Variants in CCDC62 observed in about 807,000 individuals in gnomAD.
CCDC62 encodes the protein coiled-coil domain-containing protein 62.
CCDC62 carries 72 observed loss-of-function variants against 80.8 expected under a neutral mutation model. That is an observed-to-expected ratio of 0.89 (90% CI 0.74 to 1.08). The LOEUF (loss-of-function observed/expected upper bound fraction) is 1.08. CCDC62 is among the 50% of genes least tolerant of loss of function. The pLI is 0.00. For missense variants in CCDC62, 704 were observed against 809.4 expected, an observed-to-expected ratio of 0.87 and a Z score of 1.58; for synonymous variants, 286 against 296.5, an observed-to-expected ratio of 0.96 and a Z score of 0.36.
intron 11 of CCDC62, among the ~76,000 whole-genome samples, chr12:122,815,065 A>G (rs1195671518): frequency 6.6e-6 from 1 of 151,898 alleles, no homozygotes. Context: ...AAGTGTTGGG[A>G]CTATCAGCAT....
At chr12:122,776,731 T>C (rs1188654901) in intron 1 of CCDC62, 1 of 152,254 alleles carries the variant, frequency 6.6e-6, no homozygotes, top group Non-Finnish European at 1.5e-5. Flanking sequence ...TAATTTTCTT[T>C]TTATAGACTA....
At chr12:122,785,210 C>T (rs868754856) in intron 3 of CCDC62, among the ~76,000 whole-genome samples, 2 of 152,066 alleles carry the variant, frequency 1.3e-5, no homozygotes, top group Admixed American at 6.6e-5. Context: ...TAATTATATC[C>T]GACATAGCAC....
In CCDC62 at chr12:122,781,241, T is replaced by G; in HGVS notation, c.307T>G (p.Cys103Gly). The change falls in exon 3 of 13, where the codon TGC becomes GGC. Residue 103 changes from cysteine (C) to glycine (G), a missense_variant. Coordinates refer to ENST00000253079, the MANE Select transcript of CCDC62 (RefSeq NM_201435.5). ...AGCTCTTGAATCCAATCAAATGGAA[T>G]GCCAAACAGCTCTCCAAAAGACCCA... Reference protein sequence around the residue: ...VKALESNQMECQTALQKTQLQ... With the variant: ...VKALESNQMEGQTALQKTQLQ... The G allele has an allele frequency of 6.2e-7, 1 of 1,613,924 alleles. No homozygotes were observed. Among genetic ancestry groups the G allele is most frequent in the South Asian group, 1.1e-5 (1 of 91,082 alleles).
intron 9 of CCDC62, 129 bp downstream of exon 9, chr12:122,801,981 C>T (rs1593809305): frequency 3.0e-6 from 3 of 996,686 alleles, no homozygotes; most frequent in East Asian, 2.4e-5. Context: ...AGAAATCTTC[C>T]TTAGGACCAA....
intron 10 of CCDC62, among the ~76,000 whole-genome samples, chr12:122,811,629 G>C (rs2031891483): frequency 6.7e-6 from 1 of 150,296 alleles, no homozygotes; most frequent in African/African-American, 2.4e-5. Flanking sequence ...AGACCATCCT[G>C]ACCAACATGG....
At chr12:122,801,996 T>A in intron 9 of CCDC62, 144 bp downstream of exon 9, 1 of 855,254 alleles carries the variant, frequency 1.2e-6, no homozygotes, top group South Asian at 1.7e-5. Flanking sequence ...GACCAATGGT[T>A]CCCTCTTTTC....
chr12:122,786,506 A>G (rs533568924), intron 4 of CCDC62, among the ~76,000 whole-genome samples: 1 of 152,216 alleles, frequency 6.6e-6, no homozygotes, highest in East Asian at 1.9e-4. Flanking sequence ...TGTAGTCACT[A>G]ACATGCAATA....
chr12:122,799,372 C>T (rs983478305), intron 8 of CCDC62, among the ~76,000 whole-genome samples: 1 of 152,154 alleles, frequency 6.6e-6, no homozygotes, highest in Non-Finnish European at 1.5e-5. Flanking sequence ...GACTTGGGCA[C>T]ATGTAGGTAT....
rs773618660 is a variant in CCDC62, at chr12:122,801,534, A to T, written c.1388A>T (p.Asp463Val). The T allele has an allele frequency of 1.7e-5, 28 of 1,614,060 alleles. No homozygotes were observed. Among genetic ancestry groups the T allele is most frequent in the Non-Finnish European group, 2.4e-5 (28 of 1,180,034 alleles). The change falls in exon 9 of 13, where the codon GAT (aspartate) becomes GTT (valine). Residue 463 changes from aspartate to valine, a missense_variant. Physicochemically the swap from Asp to Val is radical, Grantham distance 152. Transcript: ENST00000253079. ...PTLSDEKQWHDVSVYLGLTNC... is the reference protein window; with the variant it reads ...PTLSDEKQWHVVSVYLGLTNC... ...TTATCTGATGAGAAGCAGTGGCATG[A>T]TGTCAGTGTTTACCTGGGCCTGACC...
At position 122,797,303 on chromosome 12, in the gene CCDC62, A is replaced by T. The variant is rs370731101; in HGVS notation, c.773-4A>T. 18 of 1,452,872 alleles carry T rather than the reference A, an allele frequency of 1.2e-5. No homozygotes were observed. The African/African-American group carries it at 2.2e-4, about 18-fold the overall frequency. 90.0% of individuals were successfully genotyped at this position (1,452,872 alleles called of 1,614,324 possible). A position where few individuals can be genotyped will look rare whatever the true frequency, so the allele number is the denominator to read the frequency against. The stretch of plus-strand genomic sequence containing the variant: ...AAATGTTAATAATACTTGTTCTTAA[A>T]TAGTAGAGAGAGAAAAGAGGAAAGA... On this transcript the variant is annotated splice_region_variant and splice_polypyrimidine_tract_variant and intron_variant, in intron 6 of 12. Coordinates refer to ENST00000253079, the MANE Select transcript of CCDC62 (RefSeq NM_201435.5).
At chr12:122,808,975 G>A (rs369694029) in intron 10 of CCDC62, among the ~76,000 whole-genome samples, 3 of 152,166 alleles carry the variant, frequency 2.0e-5, no homozygotes, top group South Asian at 4.1e-4. Flanking sequence ...AGGTATCTCA[G>A]TGTGGTTTTA....
At chr12:122,820,079 A>AG (rs2032337937) in intron 11 of CCDC62, among the ~76,000 whole-genome samples, 1 of 150,796 alleles carries the variant, frequency 6.6e-6, no homozygotes, top group Non-Finnish European at 1.5e-5. Context: ...AAAAAAAAAA[A>AG]AAAAGAAGAA....
intron 9 of CCDC62, among the ~76,000 whole-genome samples, chr12:122,805,185 G>A (rs1177731605): frequency 1.9e-5 from 2 of 106,480 alleles, no homozygotes; most frequent in Middle Eastern, 4.3e-3. Flanking sequence ...GCAACTGGCC[G>A]GCTTTTTTTT....
rs2031330387 is a variant in CCDC62 at position 122,801,778 on chromosome 12, G to A, written c.1632G>A (p.Gln544=). Residue 544 remains glutamine (Q), a synonymous_variant, in exon 9 of 13, where the codon CAG becomes CAA. Coordinates refer to ENST00000253079, the MANE Select transcript of CCDC62 (RefSeq NM_201435.5). ...GTATTTTCAAGCCTTCCAAAATGCA[G>A]AGAATTGTCCGCCTCAAATCTGGGT... ...WMSIFKPSKM[Q]RIVRLKSGCT... 1 of 1,614,038 alleles carries A rather than the reference G, an allele frequency of 6.2e-7. No homozygotes were observed. The highest frequency in any genetic ancestry group is 8.5e-7 in the Non-Finnish European group (1 of 1,180,048).
chr12:122,822,563 A>G (rs528695030), intron 11 of CCDC62, among the ~76,000 whole-genome samples: 4 of 137,854 alleles, frequency 2.9e-5, no homozygotes, highest in Admixed American at 1.6e-4. Flanking sequence ...CTCTGCTTCT[A>G]TGAGTTCCAC....
In CCDC62 at chr12:122,801,144, A is replaced by C; in HGVS notation, c.998A>C (p.Asp333Ala). 6.2e-7 allele frequency: 1 copy of C among 1,612,216 alleles called. No homozygotes were observed. The highest frequency in any genetic ancestry group is 1.7e-5 in the Admixed American group (1 of 59,462). The change falls in exon 9 of 13, where the codon GAC becomes GCC. Residue 333 changes from aspartate to alanine, a missense_variant. Transcript: ENST00000253079. ...CATAGCAGAGACATGTGTTTATCAG[A>C]CCTTGAAAATAACCACCCAAAAGTC... Reference protein sequence around the residue: ...LDSSRDMCLSDLENNHPKVDI... With the variant: ...LDSSRDMCLSALENNHPKVDI...
intron 9 of CCDC62, among the ~76,000 whole-genome samples, chr12:122,802,162 G>A (rs1198530374): frequency 6.6e-6 from 1 of 152,104 alleles, no homozygotes; most frequent in Non-Finnish European, 1.5e-5. Context: ...AAAGCAAACG[G>A]GTGGATCGCT....
At chr12:122,780,334 C>T (rs1046193930) in intron 2 of CCDC62, among the ~76,000 whole-genome samples, 1 of 147,416 alleles carries the variant, frequency 6.8e-6, no homozygotes, top group Non-Finnish European at 1.5e-5. Context: ...AAAAAGAAGG[C>T]CGGGCATGGT....
intron 11 of CCDC62, among the ~76,000 whole-genome samples, chr12:122,821,923 T>G (rs1276063135): frequency 6.6e-6 from 1 of 151,932 alleles, no homozygotes; most frequent in Non-Finnish European, 1.5e-5. Flanking sequence ...TTAACAATTT[T>G]GAAATATATC....
Sources: gnomAD v4.1 joint callset for allele counts (sites outside exome capture counted in the v4.1 genomes callset) on GRCh38, gnomAD v4.1.1 for gene constraint, MANE v1.5 for transcripts, NCBI Gene and HGNC (gene_info 2026-07-23, HGNC 2026-07-21) for gene names.